FMN1: variants seen among roughly 807,000 people sequenced by gnomAD.
The protein encoded by FMN1 is formin 1.
Under a neutral mutation model 132.4 loss-of-function variants are expected in FMN1, and 110 were observed. The observed-to-expected ratio is 0.83, with a 90% CI of 0.71 to 0.97. FMN1 has a LOEUF of 0.97. FMN1 is among the 50% of genes least tolerant of loss of function. The pLI, the probability that FMN1 is intolerant of heterozygous loss-of-function variation, is 0.00. For missense variants in FMN1, 1,792 were observed against 1,705.3 expected, an observed-to-expected ratio of 1.05 and a Z score of -0.90; for synonymous variants, 722 against 651.7, an observed-to-expected ratio of 1.11 and a Z score of -1.64.
chr15:32,903,800 G>A (rs1392417463), intron 12 of FMN1, among the ~76,000 whole-genome samples: 9 of 152,188 alleles, frequency 5.9e-5, no homozygotes, highest in Non-Finnish European at 1.2e-4. Flanking sequence ...GAAAGGGTAG[G>A]ATAGAATTGC....
At chr15:33,048,324 A>T (rs1307378304) in intron 6 of FMN1, among the ~76,000 whole-genome samples, 1 of 152,144 alleles carries the variant, frequency 6.6e-6, no homozygotes. Context: ...TAAAGAAATG[A>T]GATTATATAT....
intron 16 of FMN1, among the ~76,000 whole-genome samples, chr15:32,876,904 A>G (rs1442008670): frequency 1.3e-5 from 2 of 152,058 alleles, no homozygotes; most frequent in African/African-American, 4.8e-5. Flanking sequence ...GTGTTAAGGG[A>G]TACAAGTGTC....
intron 18 of FMN1, among the ~76,000 whole-genome samples, chr15:32,804,045 T>C (rs1365548558): frequency 6.6e-6 from 1 of 152,008 alleles, no homozygotes; most frequent in Non-Finnish European, 1.5e-5. Context: ...ATGACCCCAA[T>C]TGCATGAGGT....
At chr15:32,941,628 C>T (rs1344292154) in intron 9 of FMN1, among the ~76,000 whole-genome samples, 6 of 152,148 alleles carry the variant, frequency 3.9e-5, no homozygotes, top group Non-Finnish European at 8.8e-5. Flanking sequence ...ATGCATATTA[C>T]CTGATGTGTA....
chr15:33,142,151 T>C (rs1566949173), intron 4 of FMN1, among the ~76,000 whole-genome samples: 1 of 152,176 alleles, frequency 6.6e-6, no homozygotes, highest in Admixed American at 6.5e-5. Context: ...TCAGACTCTA[T>C]AAAGTACAGA....
chr15:32,836,305 A>G (rs1340513237), intron 17 of FMN1, among the ~76,000 whole-genome samples: 1 of 152,228 alleles, frequency 6.6e-6, no homozygotes, highest in African/African-American at 2.4e-5. Context: ...GAGAATGTCC[A>G]AAGTCACAAA....
intron 16 of FMN1, among the ~76,000 whole-genome samples, chr15:32,879,228 A>G (rs2059705829): frequency 1.3e-5 from 2 of 152,186 alleles, no homozygotes; most frequent in Non-Finnish European, 2.9e-5. Flanking sequence ...AAAATAAATC[A>G]TATCAAAGTT....
Position 32,898,864 on chromosome 15 carries a change from A to T in FMN1, c.3684T>A (p.Val1228=). ...RDNGINLVDY[V]VKYYLRYYDQ... ...CATAGTAACGCAGGTAATACTTAAC[A>T]ACGTAGTCCACCAGATTAATCCCAT... The change falls in exon 15 of 21, where the codon GTT becomes GTA. Residue 1228 remains valine, a synonymous_variant. Transcript: ENST00000616417. 1 of 1,602,906 alleles carries T rather than the reference A, an allele frequency of 6.2e-7. No homozygotes were observed. Among genetic ancestry groups the T allele is most frequent in the Non-Finnish European group, 8.5e-7 (1 of 1,171,234 alleles).
At chr15:32,833,068 G>A (rs2058540583) in intron 17 of FMN1, among the ~76,000 whole-genome samples, 1 of 151,808 alleles carries the variant, frequency 6.6e-6, no homozygotes, top group Admixed American at 6.6e-5. Flanking sequence ...CCTCTGCTCT[G>A]CTCTTCTCCA....
chr15:33,126,998 GACT>G (rs1963146689), intron 4 of FMN1, among the ~76,000 whole-genome samples: 2 of 152,212 alleles, frequency 1.3e-5, no homozygotes, highest in South Asian at 4.1e-4. Context: ...ATGCTGTCAT[GACT>G]ACATGTGGGA....
At chr15:32,870,035 T>C (rs565599443) in intron 16 of FMN1, among the ~76,000 whole-genome samples, 6 of 152,312 alleles carry the variant, frequency 3.9e-5, no homozygotes, top group African/African-American at 1.2e-4. Context: ...GCCTAAAAGA[T>C]AGCTCTAGTT....
chr15:32,883,509 C>CAAAAAAAAAAAAAAAA (rs60737133), intron 16 of FMN1, among the ~76,000 whole-genome samples: 10 of 25,918 alleles, frequency 3.9e-4, no homozygotes, highest in Non-Finnish European at 5.2e-4. Context: ...GAACCTATCT[C>CAAAAAAAAAAAAAAAA]AAAAAAAAAA....
rs146345096 is a variant in FMN1 at position 33,075,291 on chromosome 15, A to G, written c.2044-10217T>C. On this transcript the variant is annotated intron_variant, in intron 5 of 20. Coordinates refer to ENST00000616417, the MANE Select transcript of FMN1 (RefSeq NM_001277313.2). Reference sequence around the variant, plus strand: ...AACAGCTTCCTTAGGGACACCAACCATCATCTAACAGATGTTTTTAGCATT... The same window carrying G: ...AACAGCTTCCTTAGGGACACCAACCGTCATCTAACAGATGTTTTTAGCATT... 2.6e-5 allele frequency among the ~76,000 whole-genome samples: 4 copies of G among 152,240 alleles called. No individual in the cohort carries two copies. In the East Asian group the frequency reaches 5.8e-4, roughly 22 times the overall value.
intron 18 of FMN1, among the ~76,000 whole-genome samples, chr15:32,803,135 T>G (rs1365631193): frequency 6.6e-6 from 1 of 152,210 alleles, no homozygotes; most frequent in East Asian, 1.9e-4. Flanking sequence ...GGAAAATGGT[T>G]AATTTCTACA....
intron 3 of FMN1, among the ~76,000 whole-genome samples, chr15:33,165,614 A>G (rs1287129461): frequency 1.3e-5 from 2 of 152,114 alleles, no homozygotes; most frequent in Non-Finnish European, 2.9e-5. Context: ...GATGGTCTCA[A>G]TCTTCTTACC....
intron 7 of FMN1, among the ~76,000 whole-genome samples, chr15:33,003,594 A>G (rs1001053545): frequency 1.3e-5 from 2 of 152,224 alleles, no homozygotes; most frequent in Admixed American, 6.5e-5. Flanking sequence ...GTAAGAATCA[A>G]TATCGTGAAA....
At chr15:32,960,381 A>C (rs572741428) in intron 9 of FMN1, among the ~76,000 whole-genome samples, 2 of 152,198 alleles carry the variant, frequency 1.3e-5, no homozygotes, top group African/African-American at 4.8e-5. Flanking sequence ...ACACGTGGGT[A>C]CAATTTGACA....
intron 9 of FMN1, among the ~76,000 whole-genome samples, chr15:32,943,890 TC>T (rs1330122358): frequency 6.6e-6 from 1 of 152,088 alleles, no homozygotes; most frequent in Non-Finnish European, 1.5e-5. Context: ...GGAAAGAAAT[TC>T]CAAGAAGTGA....
At chr15:32,799,030 T>A in intron 18 of FMN1, 77 bp from the exon 19 acceptor site, 1 of 1,243,504 alleles carries the variant, frequency 8.0e-7, no homozygotes, top group Non-Finnish European at 1.1e-6. Context: ...AGAGGGGGGA[T>A]GCTGGGGGCA....
Sources: gnomAD v4.1 joint callset for allele counts (sites outside exome capture counted in the v4.1 genomes callset) on GRCh38, gnomAD v4.1.1 for gene constraint, MANE v1.5 for transcripts, NCBI Gene and HGNC (gene_info 2026-07-23, HGNC 2026-07-21) for gene names.